ILDR1: variants seen among roughly 807,000 people sequenced by gnomAD.
ILDR1 encodes immunoglobulin-like domain-containing receptor 1.
ILDR1 carries 56 observed loss-of-function variants against 62.4 expected under a neutral mutation model. The observed-to-expected ratio is 0.90, with a 90% CI of 0.72 to 1.12. ILDR1 has a LOEUF of 1.12. Among genes scored for constraint, ILDR1 ranks in the 50% most tolerant of loss-of-function variants. ILDR1 has a pLI of 0.00. For missense variants in ILDR1, 736 were observed against 710.6 expected (o/e 1.04, Z -0.41); for synonymous variants, 284 against 277.8 (o/e 1.02, Z -0.22).
upstream of ILDR1, chr3:122,025,312 A>C (rs772638257): frequency 1.3e-5 from 2 of 152,248 alleles, no homozygotes; most frequent in African/African-American, 2.4e-5. Context: ...GCTTCCAAGC[A>C]CTTTCATTAT....
At position 122,006,907 on chromosome 3, in the gene ILDR1, C is replaced by A. The variant is rs564053589; in HGVS notation, c.229+84G>T. The A allele has an allele frequency of 4.2e-6, 6 of 1,424,252 alleles. No individual in the cohort carries two copies. The African/African-American group carries it at 7.1e-5, about 17-fold the overall frequency. The allele number at this position is 1,424,252 out of a possible 1,614,324, so 88.2% of individuals were successfully genotyped here. On this transcript the variant is annotated intron_variant, in intron 2 of 7. Transcript: ENST00000344209. The stretch of plus-strand genomic sequence containing the variant: ...TCTCCTCACTACCAAGATTTGTAAT[C>A]CTAAATAATCCCTCAACCCTAACCG...
intron 5 of ILDR1, 36 bp downstream of exon 5, chr3:122,001,272 T>C (rs371665575): frequency 1.2e-6 from 2 of 1,613,236 alleles, no homozygotes; most frequent in African/African-American, 2.7e-5. Context: ...TGGTCCCTAA[T>C]CCACTCCATT....
At chr3:122,016,582 G>A (rs941679595) in intron 1 of ILDR1, among the ~76,000 whole-genome samples, 2 of 152,206 alleles carry the variant, frequency 1.3e-5, no homozygotes, top group Admixed American at 1.3e-4. Context: ...GAGGAGAAAG[G>A]TTATACAATA....
In ILDR1 at chr3:121,994,425, T is replaced by G; in HGVS notation, c.647-112A>C. ...CAAGAGGCCAGCTTCTCTTGTCCATTCTCACCTATTTTGCATGGGAGTAAG... is the reference window on the plus strand; with the variant it reads ...CAAGAGGCCAGCTTCTCTTGTCCATGCTCACCTATTTTGCATGGGAGTAAG... On this transcript the variant is annotated intron_variant, in intron 5 of 7. Transcript: ENST00000344209. The G allele has an allele frequency of 2.4e-6, 3 of 1,276,350 alleles. No homozygotes were observed. The South Asian group carries it at 4.8e-5, about 20-fold the overall frequency. 79.1% of individuals were successfully genotyped at this position (1,276,350 alleles called of 1,614,324 possible).
chr3:121,998,512 C>G (rs2071470419), intron 5 of ILDR1, among the ~76,000 whole-genome samples: 1 of 152,156 alleles, frequency 6.6e-6, no homozygotes, highest in African/African-American at 2.4e-5. Context: ...CTTGATTTTA[C>G]TAGTTTTTTA....
chr3:122,044,652 G>A, the ILDR1 span, among the ~76,000 whole-genome samples: 3 of 151,294 alleles, frequency 2.0e-5, no homozygotes, highest in African/African-American at 7.3e-5. Flanking sequence ...TTGGGAGAGT[G>A]TATGTGTTGA....
the ILDR1 span, among the ~76,000 whole-genome samples, chr3:122,052,209 A>T: frequency 1.7e-4 from 26 of 152,292 alleles, no homozygotes; most frequent in Admixed American, 5.9e-4. Context: ...CTGAAATAGC[A>T]TCATGCTATT....
chr3:121,993,876 T>C lies in ILDR1; in HGVS notation c.873A>G (p.Lys291=). 2 of 1,614,090 alleles carry C rather than the reference T, an allele frequency of 1.2e-6. No individual in the cohort carries two copies. Among genetic ancestry groups the C allele is most frequent in the East Asian group, 2.2e-5 (1 of 44,870 alleles). The part of the protein sequence containing the change: ...IANGVLEYLE[K]ELRNLNLAQP... ...GGGCCAGGTTGAGGTTCCGCAGTTC[T>C]TTCTCCAAATACTCCAGGACACCAT... is the stretch of plus-strand genomic sequence containing the variant. Residue 291 remains lysine, a synonymous_variant, in exon 7 of 8, where the codon AAA becomes AAG. Transcript: ENST00000344209.
At chr3:122,022,947 AAAT>A (rs1226146174), upstream of ILDR1, among the ~76,000 whole-genome samples, 2 of 150,470 alleles carry the variant, frequency 1.3e-5, no homozygotes, top group Non-Finnish European at 3.0e-5. Context: ...ATAAATAAAT[AAAT>A]AAATAAATAT....
the ILDR1 span, among the ~76,000 whole-genome samples, chr3:122,056,628 C>T: frequency 6.6e-6 from 1 of 152,100 alleles, no homozygotes; most frequent in Admixed American, 6.5e-5. Flanking sequence ...CACCGCGCAC[C>T]CGGCCGTCAC....
At chr3:122,051,902 T>C in the ILDR1 span, among the ~76,000 whole-genome samples, 9 of 152,194 alleles carry the variant, frequency 5.9e-5, no homozygotes, top group African/African-American at 1.9e-4. Flanking sequence ...TAGAGAGATT[T>C]TCTGGCTTCT....
In ILDR1 at chr3:122,005,391, A is replaced by G. The variant is rs763591406; in HGVS notation, c.232T>C (p.Tyr78His). The G allele has an allele frequency of 3.3e-5, 54 of 1,614,194 alleles. No homozygotes were observed. Among genetic ancestry groups the G allele is most frequent in the Non-Finnish European group, 4.5e-5 (53 of 1,180,040 alleles). ...DPIFDYYSAS[Y>H]QAALSLGQDP... Reference sequence around the variant, plus strand: ...TGGCCCAGGGATAAAGCTGCCTGGTATGCTGAGGAGAGAGGGCACACTAGA... The same window carrying G: ...TGGCCCAGGGATAAAGCTGCCTGGTGTGCTGAGGAGAGAGGGCACACTAGA... The change falls in exon 3 of 8, where the codon TAC (tyrosine) becomes CAC (histidine). Residue 78 changes from tyrosine (Y) to histidine (H), a missense_variant and splice_region_variant. Transcript: ENST00000344209.
intron 5 of ILDR1, among the ~76,000 whole-genome samples, chr3:121,996,380 T>A (rs573380605): frequency 2.6e-5 from 4 of 152,224 alleles, no homozygotes; most frequent in Non-Finnish European, 5.9e-5. Flanking sequence ...CTCCCTTAGC[T>A]GCCACACCAT....
chr3:122,000,261 A>G (rs978100482), intron 5 of ILDR1, among the ~76,000 whole-genome samples: 2 of 151,438 alleles, frequency 1.3e-5, no homozygotes, highest in East Asian at 1.9e-4. Flanking sequence ...AGGAAAAAAA[A>G]AAAAAAAGAA....
intron 3 of ILDR1, 33 bp downstream of exon 3, chr3:122,005,211 C>CCCCCCTTT: frequency 4.0e-6 from 5 of 1,240,076 alleles, no homozygotes; most frequent in Admixed American, 1.7e-5. Flanking sequence ...CTCCCCCCAC[C>CCCCCCTTT]CCCAGTTCCC....
chr3:122,046,475 G>T, the ILDR1 span, among the ~76,000 whole-genome samples: 2 of 139,508 alleles, frequency 1.4e-5, no homozygotes, highest in African/African-American at 2.6e-5. Flanking sequence ...TGCCTTGCTA[G>T]ATTGGGGAAG....
the ILDR1 span, among the ~76,000 whole-genome samples, chr3:122,045,500 C>G: frequency 6.6e-6 from 1 of 151,982 alleles, no homozygotes; most frequent in Admixed American, 6.5e-5. Flanking sequence ...GTTGATCTGT[C>G]TAATGTTGAC....
intron 1 of ILDR1, among the ~76,000 whole-genome samples, chr3:122,019,622 G>A (rs193058953): frequency 7.9e-5 from 12 of 152,174 alleles, no homozygotes; most frequent in African/African-American, 1.4e-4. Flanking sequence ...CTTCTGACAA[G>A]TGATCTCTAC....
intron 5 of ILDR1, among the ~76,000 whole-genome samples, chr3:121,995,477 TCA>T (rs1034840014): frequency 6.6e-6 from 1 of 152,194 alleles, no homozygotes; most frequent in African/African-American, 2.4e-5. Context: ...AGTGGGCTGC[TCA>T]GTGATTCCAG....
Sources: allele counts gnomAD v4.1 joint callset (sites outside exome capture counted in the v4.1 genomes callset), GRCh38; gene constraint gnomAD v4.1.1; transcripts MANE v1.5; gene names NCBI Gene and HGNC (gene_info 2026-07-23, HGNC 2026-07-21).